Variants in E4F1 observed in about 807,000 individuals in gnomAD.
E4F1 encodes the protein transcription factor E4F1.
E4F1 carries 30 observed loss-of-function variants against 72.9 expected under a neutral mutation model. The observed-to-expected ratio is 0.41, with a 90% confidence interval of 0.31 to 0.56. E4F1 has a LOEUF of 0.56. Among genes scored for constraint, E4F1 ranks in the 20% least tolerant of loss-of-function variants. E4F1 has a pLI of 0.25. For missense variants in E4F1, 1,091 were observed against 1,117.5 expected (o/e 0.98, Z 0.34); for synonymous variants, 542 against 478.2 (o/e 1.13, Z -1.74).
chr16:2,234,892 T>C lies in E4F1; in HGVS notation c.1826T>C (p.Val609Ala), dbSNP rs1012348056. ...GCLLEVEELL[V>A]SEDSPAAATT... ...CTGCTGGAGGTGGAGGAGTTGCTGG[T>C]GTCTGAGGACAGCCCCGCGGCAGCC... Residue 609 changes from valine (V) to alanine (A), a missense_variant, in exon 12 of 14, where the codon GTG becomes GCG. Physicochemically the swap from Val to Ala is moderately conservative, Grantham distance 64. This residue lies in a region of E4F1 where 622 missense variants were observed against 628.0 expected (regional missense o/e 0.99). Transcript: ENST00000301727. The C allele has an allele frequency of 1.9e-6, 3 of 1,550,918 alleles. No homozygotes were observed. Among genetic ancestry groups the C allele is most frequent in the African/African-American group, 2.7e-5 (2 of 73,086 alleles).
At chr16:2,232,048 C>A in intron 3 of E4F1, 123 bp from the exon 4 acceptor site, 2 of 1,242,716 alleles carry the variant, frequency 1.6e-6, no homozygotes, top group Non-Finnish European at 2.2e-6. Flanking sequence ...GTGTTGAGGG[C>A]TCAGTGCAGG....
In E4F1 at chr16:2,235,299, C is replaced by G; in HGVS notation, c.2082C>G (p.Thr694=). The G allele has an allele frequency of 6.2e-7, 1 of 1,611,324 alleles. No homozygotes were observed. The highest frequency in any genetic ancestry group is 8.5e-7 in the Non-Finnish European group (1 of 1,179,934). ...ACCAGATCATCGTGCAGAACGTCAC[C>G]ATGGACGAGGAGACGGCGCTGGGCC... ...AGHQIIVQNV[T]MDEETALGPE... is the part of the protein sequence containing the mutation. The change falls in exon 14 of 14, where the codon ACC becomes ACG. Residue 694 remains threonine, a synonymous_variant. Transcript: ENST00000301727.
intron 10 of E4F1, 84 bp downstream of exon 10, chr16:2,234,472 C>A: frequency 6.4e-7 from 1 of 1,572,172 alleles, no homozygotes; most frequent in Non-Finnish European, 8.7e-7. Context: ...CCTTCCCTGC[C>A]TCCACCATGC....
chr16:2,226,256 G>A (rs1002980656), intron 1 of E4F1, among the ~76,000 whole-genome samples: 3 of 152,208 alleles, frequency 2.0e-5, no homozygotes, highest in Non-Finnish European at 4.4e-5. Context: ...CCCTCATGGC[G>A]AGGAGTCCCT....
At position 2,234,408 on chromosome 16, in the gene E4F1, A is replaced by G. The variant is rs1331683087; in HGVS notation, c.1593+20A>G. 1.9e-6 allele frequency: 3 copies of G among 1,611,622 alleles called. No individual in the cohort carries two copies. The highest frequency in any genetic ancestry group is 2.5e-6 in the Non-Finnish European group (3 of 1,179,118). On this transcript the variant is annotated intron_variant, in intron 10 of 13. Transcript: ENST00000301727. Reference sequence around the variant, plus strand: ...ACTAAGGTGGGTCTCTGGCCGCAGGACCCTGGCGCCTGATCCCCCCATCCT... The same window carrying G: ...ACTAAGGTGGGTCTCTGGCCGCAGGGCCCTGGCGCCTGATCCCCCCATCCT...
intron 1 of E4F1, 56 bp downstream of exon 1, chr16:2,223,826 G>A: frequency 6.5e-7 from 1 of 1,532,742 alleles, no homozygotes; most frequent in Non-Finnish European, 8.7e-7. Context: ...ATCCCGGGCT[G>A]GCAGAGGCCC....
At chr16:2,226,952 C>T (rs2141438557) in intron 1 of E4F1, among the ~76,000 whole-genome samples, 1 of 152,390 alleles carries the variant, frequency 6.6e-6, no homozygotes, top group South Asian at 2.1e-4. Flanking sequence ...GCATCAGTCT[C>T]CTGGGCCCCA....
chr16:2,225,495 C>T (rs1254141805), intron 1 of E4F1, among the ~76,000 whole-genome samples: 9 of 146,290 alleles, frequency 6.2e-5, no homozygotes, highest in African/African-American at 1.3e-4. Flanking sequence ...TTTTTTGAGA[C>T]GGCGTTTCTC....
chr16:2,229,299 C>T (rs752344146), intron 2 of E4F1, among the ~76,000 whole-genome samples: 9 of 152,254 alleles, frequency 5.9e-5, no homozygotes, highest in African/African-American at 1.4e-4. Flanking sequence ...TCCCTGCAGG[C>T]GCCCTGTGCT....
rs766728312 is a variant in E4F1 at position 2,235,452 on chromosome 16, C to A, written c.2235C>A (p.Gly745=). ...TVLAARAGTS[G]TEQATVTMVS... ...TTGCCGCCCGGGCAGGGACAAGTGG[C>A]ACTGAACAGGCCACTGTGACCATGG... The change falls in exon 14 of 14, where the codon GGC becomes GGA. Residue 745 remains glycine (G), a synonymous_variant. Transcript: ENST00000301727. 6.2e-7 allele frequency: 1 copy of A among 1,612,582 alleles called. No homozygotes were observed. Among genetic ancestry groups the A allele is most frequent in the South Asian group, 1.1e-5 (1 of 91,076 alleles).
At chr16:2,232,966 A>T in intron 6 of E4F1, 45 bp from the exon 7 acceptor site, 1 of 1,611,360 alleles carries the variant, frequency 6.2e-7, no homozygotes, top group Non-Finnish European at 8.5e-7. Flanking sequence ...CGCAGCCGCC[A>T]CTGGGGTGTG....
At chr16:2,225,614 C>T (rs553862865) in intron 1 of E4F1, among the ~76,000 whole-genome samples, 25 of 151,456 alleles carry the variant, frequency 1.7e-4, no homozygotes, top group Admixed American at 5.3e-4. Flanking sequence ...GCTGGGATTA[C>T]GGCACGCGGC....
intron 1 of E4F1, chr16:2,224,006 CG>C (rs955194002): frequency 2.1e-5 from 31 of 1,449,080 alleles, no homozygotes; most frequent in Non-Finnish European, 2.5e-5. Context: ...CACAAGTGCT[CG>C]CGGGTTGCTG....
In E4F1 at chr16:2,235,316, C is replaced by T. The variant is rs370544239; in HGVS notation, c.2099C>T (p.Ala700Val). Residue 700 changes from alanine to valine, a missense_variant, in exon 14 of 14, where the codon GCG (alanine) becomes GTG (valine). Transcript: ENST00000301727. ...VQNVTMDEET[A>V]LGPEAAAADT... ...AACGTCACCATGGACGAGGAGACGG[C>T]GCTGGGCCCAGAGGCGGCTGCCGCC... The T allele has an allele frequency of 5.3e-5, 86 of 1,610,748 alleles. No homozygotes were observed. Among genetic ancestry groups the T allele is most frequent in the Non-Finnish European group, 7.0e-5 (83 of 1,179,924 alleles).
intron 3 of E4F1, chr16:2,231,966 C>A: frequency 1.6e-6 from 1 of 621,198 alleles, no homozygotes; most frequent in South Asian, 2.0e-5. Flanking sequence ...CTGACAGAGT[C>A]GGGAGGTGTC....
Position 2,233,031 on chromosome 16 carries a change from G to C in E4F1, c.904G>C (p.Gly302Arg). 6.2e-7 allele frequency: 1 copy of C among 1,608,698 alleles called. No homozygotes were observed. Among genetic ancestry groups the C allele is most frequent in the Non-Finnish European group, 8.5e-7 (1 of 1,176,380 alleles). ...TGAAGGTTCTGGAGCTGGAGCTGCC[G>C]GCTTGGGGACAGCCACATCATCGGT... ...ARAGSGAGAAGLGTATSSVTG... is the reference protein window; with the variant it reads ...ARAGSGAGAARLGTATSSVTG... The change falls in exon 7 of 14, where the codon GGC becomes CGC. Residue 302 changes from glycine (G) to arginine (R), a missense_variant. By Grantham distance (125) the Gly-to-Arg change is moderately radical (BLOSUM62 -2). Around this residue, in one of 5 missense-constraint regions of E4F1, gnomAD observed 101 missense variants for 97.4 expected, o/e 1.04. Coordinates refer to ENST00000301727, the MANE Select transcript of E4F1 (RefSeq NM_004424.5).
chr16:2,234,637 C>G lies in E4F1; in HGVS notation c.1648C>G (p.Gln550Glu). Residue 550 changes from glutamine to glutamate, a missense_variant, in exon 11 of 14, where the codon CAG (glutamine) becomes GAG (glutamate). Physicochemically the swap from Gln to Glu is conservative, Grantham distance 29. This residue lies in a region of E4F1 where 622 missense variants were observed against 628.0 expected (regional missense o/e 0.99). Transcript: ENST00000301727. ...CCTGGAGGAGAAGCCGCACGTGTGC[C>G]AGTTCTGCAGCCGTGGCTTCCGAGA... The part of the protein sequence containing the change: ...THLEEKPHVC[Q>E]FCSRGFREKG... 6.2e-7 allele frequency: 1 copy of G among 1,601,292 alleles called. No homozygotes were observed. The highest frequency in any genetic ancestry group is 8.5e-7 in the Non-Finnish European group (1 of 1,174,374).
chr16:2,234,689 G>T lies in E4F1; in HGVS notation c.1700G>T (p.Arg567Leu), dbSNP rs1434984624. 6.3e-7 allele frequency: 1 copy of T among 1,578,194 alleles called. No individual in the cohort carries two copies. The highest frequency in any genetic ancestry group is 1.2e-5 in the South Asian group (1 of 86,746). ...REKGSLVRHV[R>L]HHTGEKPFKC... ...AAGGGCTCACTGGTGCGGCACGTGCGACACCACACAGGCGAGAAGCCGTTC... is the reference window on the plus strand; with the variant it reads ...AAGGGCTCACTGGTGCGGCACGTGCTACACCACACAGGCGAGAAGCCGTTC... The change falls in exon 11 of 14, where the codon CGA becomes CTA. Residue 567 changes from arginine to leucine, a missense_variant. Arg to Leu is a moderately radical substitution (Grantham distance 102, BLOSUM62 -2). Transcript: ENST00000301727.
chr16:2,227,960 G>C (rs897575364), intron 1 of E4F1, among the ~76,000 whole-genome samples: 1 of 151,448 alleles, frequency 6.6e-6, no homozygotes, highest in Admixed American at 6.6e-5. Flanking sequence ...CACCATGCCC[G>C]GCCCCAGCAG....
Sources: allele counts gnomAD v4.1 joint callset (sites outside exome capture counted in the v4.1 genomes callset), GRCh38; gene constraint gnomAD v4.1.1; regional missense constraint gnomAD v4.1.1; transcripts MANE v1.5; gene names NCBI Gene and HGNC (gene_info 2026-07-23, HGNC 2026-07-21).